The following MRS2 variants were observed in gnomAD, a reference collection of about 807,000 sequenced individuals.
MRS2 encodes the protein magnesium transporter MRS2.
MRS2 carries 40 observed loss-of-function variants against 52.6 expected under a neutral mutation model. The observed-to-expected ratio is 0.76, with a 90% CI of 0.59 to 0.99. The LOEUF (loss-of-function observed/expected upper bound fraction) is 0.99. MRS2 is among the 50% of genes least tolerant of loss of function. The probability of loss-of-function intolerance (pLI) is 0.00; values close to 1 mark genes in which losing one functional copy is unlikely to be tolerated. For missense variants in MRS2, 472 were observed against 532.7 expected, an observed-to-expected ratio of 0.89 and a Z score of 1.12; for synonymous variants, 193 against 195.9, an observed-to-expected ratio of 0.98 and a Z score of 0.13.
intron 2 of MRS2, among the ~76,000 whole-genome samples, chr6:24,407,152 A>C (rs1761501718): frequency 6.6e-6 from 1 of 152,144 alleles, no homozygotes; most frequent in Non-Finnish European, 1.5e-5. Flanking sequence ...GGTTTTCTCT[A>C]AAATTTGTCA....
chr6:24,409,404 A>C, intron 3 of MRS2, 57 bp from the exon 4 acceptor site: 1 of 1,111,532 alleles, frequency 9.0e-7, no homozygotes, highest in South Asian at 1.5e-5. Flanking sequence ...CTCTGATGGA[A>C]AAATCTAAGC....
chr6:24,410,836 T>C, intron 4 of MRS2: 1 of 1,129,790 alleles, frequency 8.9e-7, no homozygotes, highest in Non-Finnish European at 1.3e-6. Flanking sequence ...ATGATAATTG[T>C]GTAATCTAAC....
intron 7 of MRS2, among the ~76,000 whole-genome samples, chr6:24,417,426 T>C (rs1183926345): frequency 1.3e-5 from 2 of 152,248 alleles, no homozygotes; most frequent in African/African-American, 2.4e-5. Flanking sequence ...GATTTTGTTT[T>C]ACCTGATAGT....
intron 5 of MRS2, among the ~76,000 whole-genome samples, chr6:24,413,685 G>A (rs1050608573): frequency 6.7e-6 from 1 of 148,866 alleles, no homozygotes; most frequent in Non-Finnish European, 1.5e-5. Context: ...CTCTGGAGAC[G>A]AAATAAACAA....
intron 7 of MRS2, among the ~76,000 whole-genome samples, chr6:24,417,118 T>A (rs1367966724): frequency 6.6e-6 from 1 of 152,184 alleles, no homozygotes; most frequent in Non-Finnish European, 1.5e-5. Flanking sequence ...CTTTGAAAAA[T>A]TGGTTATTTA....
intron 5 of MRS2, among the ~76,000 whole-genome samples, chr6:24,413,113 G>A (rs758456220): frequency 6.6e-6 from 1 of 152,046 alleles, no homozygotes; most frequent in Non-Finnish European, 1.5e-5. Context: ...TAAGTAGTGG[G>A]AGCCCAGTTA....
In MRS2 at chr6:24,425,657, G is replaced by C. The variant is rs1581718334; in HGVS notation, c.*1963G>C. The C allele has an allele frequency of 6.6e-6, 1 of 152,154 alleles. No homozygotes were observed. The highest frequency in any genetic ancestry group is 1.5e-5 in the Non-Finnish European group (1 of 68,030). The allele number at this position is 152,154 out of a possible 1,614,324, so 9.4% of individuals were successfully genotyped here. A position where few individuals can be genotyped will look rare whatever the true frequency, so the allele number is the denominator to read the frequency against. ...GCACATTAATTACTGTTTGAAAGTA[G>C]GTACCAAACACTGGGTTATGTGAGT... On this transcript the variant is annotated 3_prime_UTR_variant, in exon 11 of 11. Coordinates refer to ENST00000378386, the MANE Select transcript of MRS2 (RefSeq NM_020662.4).
chr6:24,412,231 G>A lies in MRS2; in HGVS notation c.424G>A (p.Ala142Thr). ...TTTTTTTTTTTAACAGTATTTGAAA[G>A]CTGTGATAACTCCAGAGTGTCTTCT... Reference protein sequence around the residue: ...RIIMRMEYLKAVITPECLLIL... With the variant: ...RIIMRMEYLKTVITPECLLIL... Residue 142 changes from alanine (A) to threonine (T), a missense_variant, in exon 5 of 11, where the codon GCT (alanine) becomes ACT (threonine). Physicochemically the swap from Ala to Thr is moderately conservative, Grantham distance 58. Coordinates refer to ENST00000378386, the MANE Select transcript of MRS2 (RefSeq NM_020662.4). 1 of 1,533,244 alleles carries A rather than the reference G, an allele frequency of 6.5e-7. No individual in the cohort carries two copies. Among genetic ancestry groups the A allele is most frequent in the African/African-American group, 1.4e-5 (1 of 70,652 alleles). The allele number at this position is 1,533,244 out of a possible 1,614,324, so 95.0% of individuals were successfully genotyped here.
intron 9 of MRS2, chr6:24,419,140 G>GGCAGGA (rs1401006784): frequency 3.2e-5 from 5 of 154,316 alleles, no homozygotes; most frequent in African/African-American, 1.2e-4. Context: ...CGGAGGCTGA[G>GGCAGGA]GCAGGAGAAT....
At chr6:24,420,616 CAG>C (rs1248609691) in intron 9 of MRS2, among the ~76,000 whole-genome samples, 1 of 152,062 alleles carries the variant, frequency 6.6e-6, no homozygotes, top group African/African-American at 2.4e-5. Flanking sequence ...CTAAGTGCCT[CAG>C]AGAAAAATAA....
rs1436098342 is a variant in MRS2, at chr6:24,409,504, C to G, written c.345C>G (p.Ala115=). 2 of 1,611,350 alleles carry G rather than the reference C, an allele frequency of 1.2e-6. No homozygotes were observed. The highest frequency in any genetic ancestry group is 2.2e-5 in the East Asian group (1 of 44,728). ...TATACCAAGAGTTAGGTCTTCAAGC[C>G]AGAGATTTGAGATTTCAGCATGTAA... The part of the protein sequence containing the change: ...TELYQELGLQ[A]RDLRFQHVMS... The change falls in exon 4 of 11, where the codon GCC becomes GCG. Residue 115 remains alanine, a synonymous_variant. Coordinates refer to ENST00000378386, the MANE Select transcript of MRS2 (RefSeq NM_020662.4).
chr6:24,412,146 CATAT>C, intron 4 of MRS2, 72 bp from the exon 5 acceptor site: 1 of 756,068 alleles, frequency 1.3e-6, no homozygotes, highest in South Asian at 3.3e-5. Flanking sequence ...TGTATGTATA[CATAT>C]ATATGTATAT....
At chr6:24,421,115 C>T (rs1762028791) in intron 9 of MRS2, among the ~76,000 whole-genome samples, 1 of 152,236 alleles carries the variant, frequency 6.6e-6, no homozygotes, top group Admixed American at 6.5e-5. Flanking sequence ...TGTCTTTTCT[C>T]TAAATACATA....
chr6:24,409,995 A>T (rs897138091), intron 4 of MRS2, among the ~76,000 whole-genome samples: 3 of 151,014 alleles, frequency 2.0e-5, no homozygotes, highest in Admixed American at 1.3e-4. Context: ...TTATAGCCTT[A>T]ATTTTTTTTT....
intron 9 of MRS2, among the ~76,000 whole-genome samples, chr6:24,422,397 G>T (rs772501758): frequency 1.3e-5 from 2 of 152,194 alleles, no homozygotes; most frequent in Non-Finnish European, 2.9e-5. Flanking sequence ...ATGACGGTGA[G>T]GAAGAATGTT....
chr6:24,407,574 G>C (rs1052662445), intron 2 of MRS2, among the ~76,000 whole-genome samples: 6 of 152,194 alleles, frequency 3.9e-5, no homozygotes, highest in Admixed American at 1.3e-4. Context: ...ATCACTGAAA[G>C]ATAGTCCCCT....
At chr6:24,420,548 G>A (rs1762010433) in intron 9 of MRS2, among the ~76,000 whole-genome samples, 1 of 152,194 alleles carries the variant, frequency 6.6e-6, no homozygotes, top group African/African-American at 2.4e-5. Context: ...GTCTGCCCTT[G>A]CGTAGGTTAT....
In MRS2 at chr6:24,405,230, G is replaced by A. The variant is rs781431699; in HGVS notation, c.253G>A (p.Val85Ile). The A allele has an allele frequency of 6.2e-7, 1 of 1,613,102 alleles. No individual in the cohort carries two copies. Among genetic ancestry groups the A allele is most frequent in the Admixed American group, 1.7e-5 (1 of 60,014 alleles). ...AGCCACTTTAGCCAGTGTAGCCCCA[G>A]TATTTACTGTGGTGAGTATGTACAG... ...SQATLASVAP[V>I]FTVTKFDKQG... is the part of the protein sequence containing the mutation. Residue 85 changes from valine (V) to isoleucine (I), a missense_variant, in exon 2 of 11, where the codon GTA becomes ATA. Physicochemically the swap from Val to Ile is conservative, Grantham distance 29. Coordinates refer to ENST00000378386, the MANE Select transcript of MRS2 (RefSeq NM_020662.4).
intron 9 of MRS2, 98 bp downstream of exon 9, chr6:24,418,676 A>G (rs533687774): frequency 1.1e-6 from 1 of 894,512 alleles, no homozygotes; most frequent in African/African-American, 1.7e-5. Context: ...AGGCAGGTGG[A>G]TCACCTGAGG....
Sources: gnomAD v4.1 joint callset for allele counts (sites outside exome capture counted in the v4.1 genomes callset) on GRCh38, gnomAD v4.1.1 for gene constraint, MANE v1.5 for transcripts, NCBI Gene and HGNC (gene_info 2026-07-23, HGNC 2026-07-21) for gene names.